LSAMP: variants seen among roughly 807,000 people sequenced by gnomAD.
LSAMP encodes the protein limbic system-associated membrane protein.
A neutral mutation model predicts 38.6 loss-of-function variants in LSAMP; 7 were observed. The ratio of observed to expected loss-of-function variants is 0.18; its 90% CI spans 0.10 to 0.34. LSAMP has a LOEUF of 0.34. Among genes scored for constraint, LSAMP ranks in the 10% least tolerant of loss-of-function variants. The pLI is 1.00. For missense variants in LSAMP, 313 were observed against 420.0 expected (o/e 0.75, Z 2.23); for synonymous variants, 154 against 166.8 (o/e 0.92, Z 0.59).
At chr3:115,850,489 C>G (rs980028686) in intron 4 of LSAMP, among the ~76,000 whole-genome samples, 1 of 152,206 alleles carries the variant, frequency 6.6e-6, no homozygotes, top group African/African-American at 2.4e-5. Flanking sequence ...TAAACTTACA[C>G]AAACAGCCAG....
intron 3 of LSAMP, among the ~76,000 whole-genome samples, chr3:115,880,697 G>T (rs927314232): frequency 6.6e-6 from 1 of 152,022 alleles, no homozygotes; most frequent in Non-Finnish European, 1.5e-5. Context: ...AAAGATCATG[G>T]TTACTTTGAG....
intron 1 of LSAMP, among the ~76,000 whole-genome samples, chr3:116,242,139 A>G (rs1228641359): frequency 1.3e-5 from 2 of 148,464 alleles, no homozygotes; most frequent in Non-Finnish European, 3.1e-5. Flanking sequence ...AAAACCACCA[A>G]AAGAATGAAG....
chr3:116,256,102 G>T (rs2046747153), intron 1 of LSAMP, among the ~76,000 whole-genome samples: 1 of 152,158 alleles, frequency 6.6e-6, no homozygotes, highest in Admixed American at 6.5e-5. Context: ...GTCAAGTCGA[G>T]TTGTTAATAG....
At chr3:116,114,431 G>A (rs1708697636) in intron 1 of LSAMP, among the ~76,000 whole-genome samples, 2 of 152,014 alleles carry the variant, frequency 1.3e-5, no homozygotes, top group Admixed American at 1.3e-4. Flanking sequence ...TCTTATTTGT[G>A]TTGTATAAGG....
chr3:115,829,779 G>C (rs1470925360), intron 6 of LSAMP, among the ~76,000 whole-genome samples: 1 of 152,254 alleles, frequency 6.6e-6, no homozygotes, highest in Non-Finnish European at 1.5e-5. Flanking sequence ...TTGGCCTTAG[G>C]ATGCTTCTAC....
intron 1 of LSAMP, among the ~76,000 whole-genome samples, chr3:116,131,145 C>T (rs922511297): frequency 6.6e-6 from 1 of 152,044 alleles, no homozygotes; most frequent in Non-Finnish European, 1.5e-5. Flanking sequence ...CGCCCTCCAC[C>T]TCGCCTGGCT....
chr3:115,996,441 A>C (rs1939816846), intron 3 of LSAMP, among the ~76,000 whole-genome samples: 1 of 152,090 alleles, frequency 6.6e-6, no homozygotes, highest in Admixed American at 6.6e-5. Context: ...AGAATTTCAA[A>C]ATCATTGCTT....
At chr3:115,878,079 A>C (rs1020537903) in intron 3 of LSAMP, among the ~76,000 whole-genome samples, 1 of 152,282 alleles carries the variant, frequency 6.6e-6, no homozygotes, top group African/African-American at 2.4e-5. Flanking sequence ...GTATATGTGA[A>C]GTGTGGGAGT....
chr3:115,927,866 C>G (rs562125559), intron 3 of LSAMP, among the ~76,000 whole-genome samples: 1 of 152,184 alleles, frequency 6.6e-6, no homozygotes, highest in Admixed American at 6.5e-5. Flanking sequence ...AAAGAGCAAC[C>G]TTGCTCCAGC....
Position 116,402,631 on chromosome 3 carries a change from TAC to T in LSAMP, c.155+42244_155+42245del, listed in dbSNP as rs1266112377. 2.0e-5 allele frequency among the ~76,000 whole-genome samples: 3 copies of T among 152,110 alleles called. No homozygotes were observed. In the South Asian group the frequency reaches 6.2e-4, roughly 31 times the overall value. On this transcript the variant is annotated intron_variant, in intron 1 of 6. Transcript: ENST00000490035. Reference sequence around the variant, plus strand: ...GGCTGTATGTTTTTATACACACATATACAGACATACGTATACATCATCAAGCA... The same window carrying T: ...GGCTGTATGTTTTTATACACACATATAGACATACGTATACATCATCAAGCA...
intron 3 of LSAMP, among the ~76,000 whole-genome samples, chr3:115,954,636 A>G (rs1938396499): frequency 6.6e-6 from 1 of 152,248 alleles, no homozygotes; most frequent in South Asian, 2.1e-4. Context: ...ATAGATTAGA[A>G]TAAAAGGGCA....
intron 1 of LSAMP, among the ~76,000 whole-genome samples, chr3:116,422,028 G>A (rs1469275822): frequency 2.6e-5 from 4 of 152,132 alleles, no homozygotes; most frequent in Admixed American, 6.5e-5. Context: ...TGCAATCCAC[G>A]TGTCCATTAA....
At chr3:116,107,964 G>C (rs572696454) in intron 1 of LSAMP, among the ~76,000 whole-genome samples, 8 of 152,098 alleles carry the variant, frequency 5.3e-5, no homozygotes, top group Non-Finnish European at 1.2e-4. Flanking sequence ...TAAAATGGGG[G>C]AATTGTAAGG....
At chr3:116,091,279 T>G (rs1169225431) in intron 1 of LSAMP, among the ~76,000 whole-genome samples, 3 of 152,204 alleles carry the variant, frequency 2.0e-5, no homozygotes, top group Non-Finnish European at 4.4e-5. Context: ...CCTGAACAAT[T>G]GCTGTTATCC....
At chr3:116,128,720 A>G (rs1469633587) in intron 1 of LSAMP, among the ~76,000 whole-genome samples, 1 of 137,440 alleles carries the variant, frequency 7.3e-6, no homozygotes, top group Admixed American at 7.7e-5. Flanking sequence ...TGCATGAATC[A>G]TTGTTCTCAC....
At chr3:115,867,209 T>A (rs994186986) in intron 3 of LSAMP, among the ~76,000 whole-genome samples, 1 of 152,016 alleles carries the variant, frequency 6.6e-6, no homozygotes, top group African/African-American at 2.4e-5. Context: ...TTTCAGAAGA[T>A]AATTGGGTAA....
At chr3:116,162,397 C>T (rs1302611501) in intron 1 of LSAMP, among the ~76,000 whole-genome samples, 1 of 152,078 alleles carries the variant, frequency 6.6e-6, no homozygotes, top group Non-Finnish European at 1.5e-5. Flanking sequence ...ATTCTGGAAC[C>T]AACACCTCTA....
intron 6 of LSAMP, among the ~76,000 whole-genome samples, chr3:115,830,027 A>G (rs1383491393): frequency 6.6e-6 from 1 of 152,236 alleles, no homozygotes; most frequent in African/African-American, 2.4e-5. Context: ...TATTTAAAAT[A>G]CCACTTTGAG....
intron 2 of LSAMP, among the ~76,000 whole-genome samples, chr3:116,074,734 C>G (rs1049080715): frequency 7.9e-5 from 12 of 151,846 alleles, no homozygotes; most frequent in African/African-American, 2.9e-4. Flanking sequence ...TTTGCATTTC[C>G]TTGATTATTA....
Sources: gnomAD v4.1 joint callset for allele counts (sites outside exome capture counted in the v4.1 genomes callset) on GRCh38, gnomAD v4.1.1 for gene constraint, MANE v1.5 for transcripts, NCBI Gene and HGNC (gene_info 2026-07-23, HGNC 2026-07-21) for gene names.